The following CAMKMT variants were observed in gnomAD, a reference collection of about 807,000 sequenced individuals.
CAMKMT encodes calmodulin-lysine N-methyltransferase.
CAMKMT carries 53 observed loss-of-function variants against 48.0 expected under a neutral mutation model. That is an observed-to-expected ratio of 1.10 (90% confidence interval 0.89 to 1.39). The LOEUF is 1.39. CAMKMT is among the 40% of genes most tolerant of loss of function. The pLI is 0.00. For missense variants in CAMKMT, 428 were observed against 402.7 expected (o/e 1.06, Z -0.54); for synonymous variants, 165 against 152.3 (o/e 1.08, Z -0.61).
intron 3 of CAMKMT, among the ~76,000 whole-genome samples, chr2:44,669,647 C>G (rs1207196313): frequency 2.0e-5 from 3 of 148,408 alleles, no homozygotes; most frequent in African/African-American, 7.5e-5. Flanking sequence ...TTTTTTCTTT[C>G]TTTTTCTTCA....
chr2:44,733,980 A>G (rs1007312617), intron 7 of CAMKMT, among the ~76,000 whole-genome samples: 16 of 151,914 alleles, frequency 1.1e-4, no homozygotes, highest in Admixed American at 6.5e-4. Flanking sequence ...GTCAGGCTAG[A>G]GGTTTATCAA....
At chr2:44,362,168 C>T (rs1439413872) in intron 1 of CAMKMT, 23 bp downstream of exon 1, 9 of 1,450,224 alleles carry the variant, frequency 6.2e-6, no homozygotes, top group African/African-American at 3.0e-5. Context: ...CTGCTCGCCT[C>T]ACCTTTGCCT....
At chr2:44,669,208 T>A (rs540385441) in intron 3 of CAMKMT, among the ~76,000 whole-genome samples, 1 of 152,258 alleles carries the variant, frequency 6.6e-6, no homozygotes, top group East Asian at 1.9e-4. Flanking sequence ...TATATTCTTC[T>A]GTGAATTGCT....
intron 3 of CAMKMT, among the ~76,000 whole-genome samples, chr2:44,577,146 A>G (rs1412498808): frequency 6.6e-6 from 1 of 152,224 alleles, no homozygotes; most frequent in African/African-American, 2.4e-5. Context: ...AGATGCTTTT[A>G]AAATACAGGT....
At chr2:44,638,281 A>G (rs1291785503) in intron 3 of CAMKMT, among the ~76,000 whole-genome samples, 2 of 152,184 alleles carry the variant, frequency 1.3e-5, no homozygotes, top group Non-Finnish European at 2.9e-5. Context: ...CTATCAGTTA[A>G]TATTTCTCAG....
chr2:44,765,644 G>T (rs1231184354), intron 9 of CAMKMT, among the ~76,000 whole-genome samples: 3 of 152,068 alleles, frequency 2.0e-5, no homozygotes, highest in Non-Finnish European at 2.9e-5. Flanking sequence ...TTTCATGTCA[G>T]ATGGTCTTCT....
chr2:44,533,464 C>T (rs1480771990), intron 3 of CAMKMT, among the ~76,000 whole-genome samples: 2 of 152,092 alleles, frequency 1.3e-5, no homozygotes, highest in Non-Finnish European at 2.9e-5. Flanking sequence ...GTCTTGAACT[C>T]CTGACCTCAA....
At chr2:44,456,996 C>T (rs1667597494) in intron 3 of CAMKMT, 1 of 163,000 alleles carries the variant, frequency 6.1e-6, no homozygotes, top group Non-Finnish European at 1.3e-5. Context: ...CACTGATTAG[C>T]ATTCATCATA....
At chr2:44,510,269 C>T (rs752126421) in intron 3 of CAMKMT, among the ~76,000 whole-genome samples, 6 of 152,142 alleles carry the variant, frequency 3.9e-5, no homozygotes, top group East Asian at 1.9e-4. Flanking sequence ...CTGTCTTTCA[C>T]GGCCTTGATA....
chr2:44,738,078 A>T (rs1180322281), intron 7 of CAMKMT, among the ~76,000 whole-genome samples: 1 of 151,626 alleles, frequency 6.6e-6, no homozygotes, highest in Non-Finnish European at 1.5e-5. Flanking sequence ...CCAGTCTCAA[A>T]CTCCTGACCT....
At chr2:44,652,352 C>T (rs1674117905) in intron 3 of CAMKMT, among the ~76,000 whole-genome samples, 1 of 152,298 alleles carries the variant, frequency 6.6e-6, no homozygotes, top group South Asian at 2.1e-4. Flanking sequence ...TGATCATTAG[C>T]CCTGTTCCTT....
At chr2:44,467,136 C>G (rs1668158551) in intron 3 of CAMKMT, among the ~76,000 whole-genome samples, 1 of 151,994 alleles carries the variant, frequency 6.6e-6, no homozygotes, top group Admixed American at 6.5e-5. Context: ...TAGCTGCAGT[C>G]TCAGCTACTC....
chr2:44,616,936 T>C (rs1362670554), intron 3 of CAMKMT, among the ~76,000 whole-genome samples: 1 of 152,134 alleles, frequency 6.6e-6, no homozygotes, highest in African/African-American at 2.4e-5. Context: ...GGAGAAGTGA[T>C]TAATTCAGAT....
In CAMKMT at chr2:44,653,291, T is replaced by C. The variant is rs913450929; in HGVS notation, c.377-50992T>C. On this transcript the variant is annotated intron_variant, in intron 3 of 10. Transcript: ENST00000378494. The surrounding 1 kb of genome is among the most constrained non-coding windows in gnomAD (Gnocchi z 5.2). ...CAAGGCAGGTGTGGGACAAGTGTTG[T>C]TGGCTAAGTACTATTCATTGTCATT... Among the ~76,000 whole-genome samples, 3 of 152,192 alleles carry C rather than the reference T, an allele frequency of 2.0e-5. No individual in the cohort carries two copies. The highest frequency in any genetic ancestry group is 7.2e-5 in the African/African-American group (3 of 41,448).
At chr2:44,637,085 G>A (rs1486835933) in intron 3 of CAMKMT, among the ~76,000 whole-genome samples, 1 of 152,228 alleles carries the variant, frequency 6.6e-6, no homozygotes, top group East Asian at 1.9e-4. Flanking sequence ...ACTGTCCTAA[G>A]GCTAGTGGGT....
chr2:44,444,089 G>T (rs1458970409), intron 3 of CAMKMT, among the ~76,000 whole-genome samples: 1 of 152,148 alleles, frequency 6.6e-6, no homozygotes, highest in Non-Finnish European at 1.5e-5. Flanking sequence ...AAGATATGTT[G>T]CGTAGGTGAG....
chr2:44,571,005 A>G (rs958606644), intron 3 of CAMKMT, among the ~76,000 whole-genome samples: 3 of 152,208 alleles, frequency 2.0e-5, no homozygotes, highest in African/African-American at 7.2e-5. Context: ...CACAAGAAAC[A>G]TTTTGATTTA....
intron 3 of CAMKMT, among the ~76,000 whole-genome samples, chr2:44,406,003 C>T (rs1258757460): frequency 6.6e-6 from 1 of 152,070 alleles, no homozygotes; most frequent in Non-Finnish European, 1.5e-5. Flanking sequence ...TAAAGATGTC[C>T]CATTTTCAAC....
At chr2:44,746,920 GT>G (rs1203034378) in intron 8 of CAMKMT, among the ~76,000 whole-genome samples, 1 of 152,180 alleles carries the variant, frequency 6.6e-6, no homozygotes, top group Non-Finnish European at 1.5e-5. Flanking sequence ...GAAGTAAGAT[GT>G]TTTTTATCCA....
Sources: gnomAD v4.1 joint callset for allele counts (sites outside exome capture counted in the v4.1 genomes callset) on GRCh38, gnomAD v4.1.1 for gene constraint, Gnocchi (gnomAD v3.1) non-coding constraint, MANE v1.5 for transcripts, NCBI Gene and HGNC (gene_info 2026-07-23, HGNC 2026-07-21) for gene names.